PRELID2: variants seen among roughly 807,000 people sequenced by gnomAD.
The protein encoded by PRELID2 is PRELI domain containing 2, also known as PRELI domain-containing protein 2.
PRELID2 carries 25 observed loss-of-function variants against 28.4 expected under a neutral mutation model. That is an observed-to-expected ratio of 0.88 (90% CI 0.64 to 1.23). PRELID2 has a LOEUF of 1.23. Ranked by LOEUF, PRELID2 falls within the 50% of genes most tolerant of loss-of-function variation. The probability of loss-of-function intolerance (pLI) is 0.00; values close to 1 mark genes in which losing one functional copy is unlikely to be tolerated. For missense variants in PRELID2, 201 were observed against 214.4 expected (o/e 0.94, Z 0.39); for synonymous variants, 76 against 71.6 (o/e 1.06, Z -0.31).
the PRELID2 span, among the ~76,000 whole-genome samples, chr5:145,248,586 AGATC>A: frequency 0.082 from 12,487 of 151,896 alleles, 1,101 homozygotes; most frequent in African/African-American, 0.23. Flanking sequence ...AAAGGTCAAG[AGATC>A]GATCGAGAAC....
At chr5:145,276,619 T>C in the PRELID2 span, among the ~76,000 whole-genome samples, 848 of 152,276 alleles carry the variant, frequency 5.6e-3, 5 homozygotes, top group African/African-American at 0.019. Context: ...GTCACCTCAA[T>C]TTCTTATTCT....
the PRELID2 span, among the ~76,000 whole-genome samples, chr5:145,453,354 T>C: frequency 1.3e-5 from 2 of 152,192 alleles, no homozygotes; most frequent in African/African-American, 4.8e-5. Flanking sequence ...CATCAGACTT[T>C]ATAAAATGTT....
chr5:145,469,910 T>G (rs1752036389), downstream of PRELID2, among the ~76,000 whole-genome samples: 1 of 152,172 alleles, frequency 6.6e-6, no homozygotes. Flanking sequence ...GTGTCCCAAA[T>G]AATTCCCCTA....
chr5:145,735,241 T>A (rs1481119258), intron 1 of PRELID2, among the ~76,000 whole-genome samples: 2 of 125,150 alleles, frequency 1.6e-5, no homozygotes, highest in South Asian at 2.6e-4. Context: ...TGAGTCTCCA[T>A]CTCAAAAAAA....
chr5:145,411,140 G>T, the PRELID2 span, among the ~76,000 whole-genome samples: 1 of 152,186 alleles, frequency 6.6e-6, no homozygotes, highest in Admixed American at 6.5e-5. Context: ...ACAGAAAGAA[G>T]GGTTTATTGA....
Position 145,817,418 on chromosome 5 carries a change from GTT to G in PRELID2, c.368+474_368+475del, listed in dbSNP as rs1554099418. ...TTATATGCAATAAAGGAATAAGCTA[GTT>G]TTATATATATATATATATATATATA... On this transcript the variant is annotated intron_variant, in intron 4 of 6. Transcript: ENST00000683046. Among the ~76,000 whole-genome samples the G allele has an allele frequency of 4.1e-4, 13 of 31,664 alleles. No homozygotes were observed. In the South Asian group the frequency reaches 5.3e-3, roughly 13 times the overall value. The allele number at this position is 31,664 out of a possible 152,430, so 20.8% of individuals were successfully genotyped here. A position where few individuals can be genotyped will look rare whatever the true frequency, so the allele number is the denominator to read the frequency against.
intron 1 of PRELID2, among the ~76,000 whole-genome samples, chr5:145,699,932 T>C (rs1158738293): frequency 6.6e-6 from 1 of 152,192 alleles, no homozygotes; most frequent in Non-Finnish European, 1.5e-5. Flanking sequence ...TTCCTGGGGA[T>C]GTAACACCAA....
chr5:145,250,412 G>A, the PRELID2 span, among the ~76,000 whole-genome samples: 2 of 152,142 alleles, frequency 1.3e-5, no homozygotes, highest in Non-Finnish European at 2.9e-5. Context: ...GCAAGTGTTT[G>A]AACCAAGCCA....
At chr5:145,681,014 G>A (rs1754924233) in intron 1 of PRELID2, among the ~76,000 whole-genome samples, 1 of 152,228 alleles carries the variant, frequency 6.6e-6, no homozygotes, top group Non-Finnish European at 1.5e-5. Flanking sequence ...CAATTTGACA[G>A]CAGAGGATAA....
chr5:145,514,003 T>C (rs888359192), intron 1 of PRELID2, among the ~76,000 whole-genome samples: 2 of 151,870 alleles, frequency 1.3e-5, no homozygotes, highest in African/African-American at 2.4e-5. Context: ...AAGCACTAAA[T>C]ATGGAAAGGA....
At chr5:145,634,493 T>A (rs545888801) in intron 1 of PRELID2, among the ~76,000 whole-genome samples, 1 of 152,296 alleles carries the variant, frequency 6.6e-6, no homozygotes, top group African/African-American at 2.4e-5. Flanking sequence ...AGGTGCTATT[T>A]CTTCCACTCA....
intron 1 of PRELID2, among the ~76,000 whole-genome samples, chr5:145,750,865 A>G (rs1038109617): frequency 6.6e-6 from 1 of 152,192 alleles, no homozygotes; most frequent in Non-Finnish European, 1.5e-5. Flanking sequence ...CAGCTTCATT[A>G]GTTTTTTCCA....
the PRELID2 span, among the ~76,000 whole-genome samples, chr5:145,367,744 A>G: frequency 6.6e-6 from 1 of 151,910 alleles, no homozygotes; most frequent in African/African-American, 2.4e-5. Context: ...TCACTTAGTA[A>G]TATACATTTA....
intron 1 of PRELID2, among the ~76,000 whole-genome samples, chr5:145,530,793 G>A (rs1752648630): frequency 6.6e-6 from 1 of 152,000 alleles, no homozygotes; most frequent in Non-Finnish European, 1.5e-5. Flanking sequence ...CGTGGGTGGG[G>A]GCAGGAGAGC....
At chr5:145,803,977 A>G (rs1271979327) in intron 4 of PRELID2, among the ~76,000 whole-genome samples, 1 of 152,144 alleles carries the variant, frequency 6.6e-6, no homozygotes, top group Non-Finnish European at 1.5e-5. Context: ...CACACTCTGC[A>G]CTGTGAAACC....
intron 1 of PRELID2, among the ~76,000 whole-genome samples, chr5:145,630,626 T>C (rs1193508404): frequency 6.6e-6 from 1 of 152,192 alleles, no homozygotes; most frequent in Non-Finnish European, 1.5e-5. Context: ...AGAGTCCAAA[T>C]AACTTTTAGG....
intron 1 of PRELID2, among the ~76,000 whole-genome samples, chr5:145,614,487 G>T (rs1300115207): frequency 1.3e-5 from 2 of 152,154 alleles, no homozygotes. Flanking sequence ...TGTTGTCTAT[G>T]ATTTCTTTCA....
At chr5:145,361,904 C>T in the PRELID2 span, among the ~76,000 whole-genome samples, 2 of 152,122 alleles carry the variant, frequency 1.3e-5, no homozygotes, top group African/African-American at 4.8e-5. Context: ...GTTGAAAGTT[C>T]AGCCACTCAA....
At chr5:145,659,282 T>C (rs184699121) in intron 1 of PRELID2, among the ~76,000 whole-genome samples, 1 of 152,332 alleles carries the variant, frequency 6.6e-6, no homozygotes, top group African/African-American at 2.4e-5. Flanking sequence ...ATTGATTCCA[T>C]CTGGAACTTG....
Sources: allele counts gnomAD v4.1 joint callset (sites outside exome capture counted in the v4.1 genomes callset), GRCh38; gene constraint gnomAD v4.1.1; transcripts MANE v1.5; gene names NCBI Gene and HGNC (gene_info 2026-07-23, HGNC 2026-07-21).